The following MAP2K7 variants were observed in gnomAD, a reference collection of about 807,000 sequenced individuals.
The protein encoded by MAP2K7 is dual specificity mitogen-activated protein kinase kinase 7.
A neutral mutation model predicts 47.7 loss-of-function variants in MAP2K7; 12 were observed. The observed-to-expected ratio is 0.25, with a 90% CI of 0.16 to 0.41. The LOEUF is 0.41. Ranked by LOEUF, MAP2K7 falls within the 10% of genes least tolerant of loss-of-function variation. The pLI is 1.00. For synonymous variants in MAP2K7, 299 were observed against 243.0 expected (o/e 1.23, Z -2.14); for missense variants, 415 against 600.3 (o/e 0.69, Z 3.23).
chr19:7,911,813 G>A (rs11878235), intron 9 of MAP2K7, among the ~76,000 whole-genome samples: 74,242 of 152,098 alleles, frequency 0.49, 19,075 homozygotes, highest in Non-Finnish European at 0.58. Context: ...CGGGGTGGCT[G>A]TTGGAGATTG....
Position 7,912,283 on chromosome 19 carries a change from C to T in MAP2K7, c.1126-14C>T, listed in dbSNP as rs576849355. On this transcript the variant is annotated splice_polypyrimidine_tract_variant and intron_variant, in intron 10 of 10. Transcript: ENST00000397979. ...GACCGTCTCCTCCTAAGCCCCACCC[C>T]CTCGGGCCCACAGGAACACAGCTTC... The T allele has an allele frequency of 6.2e-7, 1 of 1,613,592 alleles. No individual in the cohort carries two copies.
Position 7,912,651 on chromosome 19 carries a change from G to T in MAP2K7, c.*220G>T. The T allele has an allele frequency of 5.2e-6, 3 of 575,528 alleles. No individual in the cohort carries two copies. The highest frequency in any genetic ancestry group is 2.0e-5 in the South Asian group (1 of 49,218). The allele number at this position is 575,528 out of a possible 1,614,324, so 35.7% of individuals were successfully genotyped here. The stretch of plus-strand genomic sequence containing the variant: ...GGTCAGCCGGCCGTGTGCGTCCCCC[G>T]ACAGACACTGTGAACGGAAGACAGC... On this transcript the variant is annotated 3_prime_UTR_variant, in exon 11 of 11. Transcript: ENST00000397979.
At chr19:7,904,317 G>C (rs1241864670) in intron 1 of MAP2K7, 1 of 225,812 alleles carries the variant, frequency 4.4e-6, no homozygotes, top group East Asian at 1.2e-4. Flanking sequence ...GCCCCCAGCT[G>C]ATGACCCGCC....
chr19:7,905,978 A>T, intron 1 of MAP2K7: 2 of 827,210 alleles, frequency 2.4e-6, no homozygotes, highest in South Asian at 1.5e-5. Context: ...CCTTCCCCTC[A>T]CTCTCACTTT....
Position 7,911,238 on chromosome 19 carries a change from C to A in MAP2K7, c.856-12C>A. 2 of 1,604,592 alleles carry A rather than the reference C, an allele frequency of 1.2e-6. No homozygotes were observed. Among genetic ancestry groups the A allele is most frequent in the South Asian group, 1.1e-5 (1 of 90,920 alleles). On this transcript the variant is annotated splice_polypyrimidine_tract_variant and intron_variant, in intron 7 of 10. Transcript: ENST00000397979. ...AGCCTTGGAGATACGTCTTCTCCTC[C>A]CCCCCCTGCAGCCCGAGCGCATTGA...
intron 1 of MAP2K7, chr19:7,906,461 A>G (rs1982464291): frequency 6.5e-6 from 1 of 153,274 alleles, no homozygotes; most frequent in Non-Finnish European, 1.5e-5. Context: ...GAATTGAACA[A>G]AGCCTCTGGG....
Position 7,909,836 on chromosome 19 carries a change from C to T in MAP2K7, c.206C>T (p.Ala69Val), listed in dbSNP as rs1316384071. 6.5e-7 allele frequency: 1 copy of T among 1,540,072 alleles called. No individual in the cohort carries two copies. The highest frequency in any genetic ancestry group is 2.0e-5 in the Admixed American group (1 of 50,302). ...TCCCCGCAGCACCCCACGCCCCCCG[C>T]CCGGCCCCGCCACATGCTGGGGCTC... ...ESSPQHPTPP[A>V]RPRHMLGLPS... is the part of the protein sequence containing the mutation. The change falls in exon 2 of 11, where the codon GCC (alanine) becomes GTC (valine). Residue 69 changes from alanine (A) to valine (V), a missense_variant. By Grantham distance (64) the Ala-to-Val change is moderately conservative. Coordinates refer to ENST00000397979, the MANE Select transcript of MAP2K7 (RefSeq NM_145185.4).
In MAP2K7 at chr19:7,910,298, C is replaced by T. The variant is rs34562033; in HGVS notation, c.372C>T (p.Gly124=). 0.014 allele frequency: 22,795 copies of T among 1,613,334 alleles called. 214 individuals carry two copies. The highest frequency in any genetic ancestry group is 0.034 in the Middle Eastern group (207 of 6,062). The change falls in exon 4 of 11, where the codon GGC becomes GGT. Residue 124 remains glycine, a synonymous_variant. Coordinates refer to ENST00000397979, the MANE Select transcript of MAP2K7 (RefSeq NM_145185.4). The part of the protein sequence containing the change: ...QAEINDLENL[G]EMGSGTCGQV... ...AAATCAACGACCTGGAGAACTTGGG[C>T]GAGATGGGCAGCGGCACCTGCGGCC... is the stretch of plus-strand genomic sequence containing the variant.
At chr19:7,909,979 C>G in intron 2 of MAP2K7, 83 bp downstream of exon 2, 1 of 1,510,258 alleles carries the variant, frequency 6.6e-7, no homozygotes, top group Non-Finnish European at 8.9e-7. Context: ...GTGGTTAAAC[C>G]GGTGGGAACC....
Position 7,912,480 on chromosome 19 carries a change from GC to G in MAP2K7, c.*55del. On this transcript the variant is annotated 3_prime_UTR_variant, in exon 11 of 11. Coordinates refer to ENST00000397979, the MANE Select transcript of MAP2K7 (RefSeq NM_145185.4). Reference sequence around the variant, plus strand: ...CAGGGGGCCAGGGGCATGGCCACAGGCCCCCCTCCCCACTTGGCCACCCAGC... The same window carrying G: ...CAGGGGGCCAGGGGCATGGCCACAGGCCCCCTCCCCACTTGGCCACCCAGC... 6.4e-7 allele frequency: 1 copy of G among 1,561,438 alleles called. No homozygotes were observed.
rs780105359 is a variant in MAP2K7 at position 7,911,170 on chromosome 19, GC to G, written c.855+17del. On this transcript the variant is annotated intron_variant, in intron 7 of 10. Coordinates refer to ENST00000397979, the MANE Select transcript of MAP2K7 (RefSeq NM_145185.4). ...GCCGCCTACATGGCAGTGAGTGGGGGCCCCCCAGCGGGGGAGGGGGTGGGGG... is the reference window on the plus strand; with the variant it reads ...GCCGCCTACATGGCAGTGAGTGGGGGCCCCCAGCGGGGGAGGGGGTGGGGG... 1.2e-5 allele frequency: 19 copies of G among 1,605,118 alleles called. No homozygotes were observed. The highest frequency in any genetic ancestry group is 1.4e-5 in the Non-Finnish European group (17 of 1,175,960).
rs978868007 is a variant in MAP2K7, at chr19:7,912,837, C to T, written c.*406C>T. The T allele has an allele frequency of 1.3e-5, 3 of 228,594 alleles. No individual in the cohort carries two copies. The highest frequency in any genetic ancestry group is 5.2e-5 in the Admixed American group (1 of 19,198). The allele number at this position is 228,594 out of a possible 1,614,324, so 14.2% of individuals were successfully genotyped here. ...GCGCCCGTTCCTCTTCCGTCGCCCT[C>T]TGTCCCCTGCTCTACCTCTCTGTCC... On this transcript the variant is annotated 3_prime_UTR_variant, in exon 11 of 11. Transcript: ENST00000397979.
In MAP2K7 at chr19:7,912,465, G is replaced by A. The variant is rs1294029294; in HGVS notation, c.*34G>A. ...CGGCGGCCAGCCCCACAGGGGGCCA[G>A]GGGCATGGCCACAGGCCCCCCTCCC... On this transcript the variant is annotated 3_prime_UTR_variant, in exon 11 of 11. Transcript: ENST00000397979. The A allele has an allele frequency of 6.3e-7, 1 of 1,590,278 alleles. No homozygotes were observed.
chr19:7,904,849 C>T (rs1424030006), intron 1 of MAP2K7, among the ~76,000 whole-genome samples: 2 of 152,058 alleles, frequency 1.3e-5, no homozygotes, highest in South Asian at 2.1e-4. Context: ...GTGATGGCTC[C>T]CCTTCCCTTC....
intron 1 of MAP2K7, among the ~76,000 whole-genome samples, chr19:7,907,286 G>A (rs1490651431): frequency 4.6e-5 from 7 of 152,190 alleles, no homozygotes; most frequent in Admixed American, 3.3e-4. Flanking sequence ...GAGTAGATGG[G>A]GTGCCTGGCC....
At chr19:7,904,662 C>A (rs1294841760) in intron 1 of MAP2K7, 1 of 164,304 alleles carries the variant, frequency 6.1e-6, no homozygotes, top group East Asian at 1.9e-4. Context: ...CCTTCTCCCC[C>A]TCTTGGCGAC....
intron 1 of MAP2K7, among the ~76,000 whole-genome samples, chr19:7,905,034 C>G (rs1461317717): frequency 6.6e-6 from 1 of 151,662 alleles, no homozygotes; most frequent in Admixed American, 6.6e-5. Context: ...CACACCTGGC[C>G]TGGGAACACT....
intron 9 of MAP2K7, 43 bp downstream of exon 9, chr19:7,911,621 G>C: frequency 6.5e-7 from 1 of 1,529,688 alleles, no homozygotes; most frequent in Non-Finnish European, 8.8e-7. Flanking sequence ...ACAGCCCGCT[G>C]CTCTGGGCAG....
chr19:7,903,902 A>T lies in MAP2K7; in HGVS notation c.-43A>T. 1.4e-6 allele frequency: 2 copies of T among 1,437,448 alleles called. No homozygotes were observed. The highest frequency in any genetic ancestry group is 9.2e-7 in the Non-Finnish European group (1 of 1,081,292). 89.0% of individuals were successfully genotyped at this position (1,437,448 alleles called of 1,614,324 possible). On this transcript the variant is annotated 5_prime_UTR_variant, in exon 1 of 11. Coordinates refer to ENST00000397979, the MANE Select transcript of MAP2K7 (RefSeq NM_145185.4). ...AGTGCGGTGTTTGTCTGCCGGACTG[A>T]CGGGCGGCCGGGCGGTGCGCGGCGG...
Sources: allele counts gnomAD v4.1 joint callset (sites outside exome capture counted in the v4.1 genomes callset), GRCh38; gene constraint gnomAD v4.1.1; transcripts MANE v1.5; gene names NCBI Gene and HGNC (gene_info 2026-07-23, HGNC 2026-07-21).